The following C2CD2 variants were observed in gnomAD, a reference collection of about 807,000 sequenced individuals.
C2CD2 encodes the protein C2 domain-containing protein 2.
A neutral mutation model predicts 74.3 loss-of-function variants in C2CD2; 43 were observed. The observed-to-expected ratio is 0.58, with a 90% CI of 0.45 to 0.75. The LOEUF is 0.75. C2CD2 is among the 30% of genes least tolerant of loss of function. The pLI is 0.00. For missense variants in C2CD2, 801 were observed against 916.3 expected, an observed-to-expected ratio of 0.87 and a Z score of 1.63; for synonymous variants, 422 against 390.7, an observed-to-expected ratio of 1.08 and a Z score of -0.94.
chr21:41,928,013 C>T (rs2065230302), intron 2 of C2CD2, among the ~76,000 whole-genome samples: 1 of 152,172 alleles, frequency 6.6e-6, no homozygotes, highest in African/African-American at 2.4e-5. Context: ...GTTGTTAATG[C>T]ATCACACGGT....
At chr21:41,890,376 A>G (rs890727136) in intron 13 of C2CD2, among the ~76,000 whole-genome samples, 1 of 152,238 alleles carries the variant, frequency 6.6e-6, no homozygotes, top group Non-Finnish European at 1.5e-5. Flanking sequence ...AATAGAAAAA[A>G]ATTAGCAGCA....
chr21:41,953,399 C>A lies in C2CD2; in HGVS notation c.250G>T (p.Ala84Ser). The part of the protein sequence containing the change: ...RSQWQAAWVT[A>S]LNEEAERKGG... ...TTCCTCTCGGCCTCCTCGTTCAGGG[C>A]GGTCACCCAGGCCGCCTGCCACTGG... The change falls in exon 1 of 14, where the codon GCC becomes TCC. Residue 84 changes from alanine to serine, a missense_variant. Coordinates refer to ENST00000380486, the MANE Select transcript of C2CD2 (RefSeq NM_015500.2). 2.8e-6 allele frequency: 4 copies of A among 1,418,962 alleles called. No homozygotes were observed. 87.9% of individuals were successfully genotyped at this position (1,418,962 alleles called of 1,614,324 possible).
At chr21:41,900,227 T>A (rs993395664) in intron 12 of C2CD2, among the ~76,000 whole-genome samples, 14 of 152,046 alleles carry the variant, frequency 9.2e-5, no homozygotes, top group Non-Finnish European at 1.5e-5. Context: ...TGAGCCGAGA[T>A]TACGCCACTG....
intron 2 of C2CD2, 70 bp downstream of exon 2, chr21:41,942,077 A>C (rs2065358916): frequency 9.8e-6 from 15 of 1,533,746 alleles, no homozygotes; most frequent in Non-Finnish European, 1.3e-5. Flanking sequence ...AATGATTCTA[A>C]ACAAAGCAAA....
At chr21:41,927,127 G>T (rs1027145309) in intron 2 of C2CD2, among the ~76,000 whole-genome samples, 1 of 152,124 alleles carries the variant, frequency 6.6e-6, no homozygotes, top group Admixed American at 6.5e-5. Flanking sequence ...ATTTAATCCT[G>T]TTTGCCCACT....
rs577175182 is a variant in C2CD2, at chr21:41,923,235, C to T, written c.379-1150G>A. Among the ~76,000 whole-genome samples the T allele has an allele frequency of 3.3e-5, 5 of 152,040 alleles. No individual in the cohort carries two copies. The highest frequency in any genetic ancestry group is 1.9e-4 in the East Asian group (1 of 5,164). ...GTCTCGATCTCCTCACCTCGTGATC[C>T]GCCCACCTCGGCCTTCCAAAGTGCT... On this transcript the variant is annotated intron_variant, in intron 2 of 13. Transcript: ENST00000380486. This position sits in a 1 kb window ranked among gnomAD's most constrained non-coding sequence, Gnocchi z 5.8.
chr21:41,935,248 G>A (rs1046945754), intron 2 of C2CD2, among the ~76,000 whole-genome samples: 8 of 152,106 alleles, frequency 5.3e-5, no homozygotes, highest in African/African-American at 1.7e-4. Flanking sequence ...TAACATGGGG[G>A]AAAGAATATA....
chr21:41,923,720 G>A lies in C2CD2; in HGVS notation c.379-1635C>T, dbSNP rs1049141417. 3.9e-5 allele frequency among the ~76,000 whole-genome samples: 6 copies of A among 152,128 alleles called. No individual in the cohort carries two copies. Among genetic ancestry groups the A allele is most frequent in the Admixed American group, 2.6e-4 (4 of 15,268 alleles). ...AATCATAATCATACAGTATTAAGAG[G>A]GGTGCTTTTCACAGCTACCATGGCA... On this transcript the variant is annotated intron_variant, in intron 2 of 13. Transcript: ENST00000380486. This position sits in a 1 kb window ranked among gnomAD's most constrained non-coding sequence, Gnocchi z 5.8.
At chr21:41,932,631 A>C (rs1180277069) in intron 2 of C2CD2, among the ~76,000 whole-genome samples, 1 of 149,094 alleles carries the variant, frequency 6.7e-6, no homozygotes, top group Non-Finnish European at 1.5e-5. Context: ...TGTGAGAAAA[A>C]CCCCCACACA....
chr21:41,907,774 C>A lies in C2CD2; in HGVS notation c.1029G>T (p.Ala343=). Residue 343 remains alanine (A), a synonymous_variant, in exon 9 of 14, where the codon GCG becomes GCT. Coordinates refer to ENST00000380486, the MANE Select transcript of C2CD2 (RefSeq NM_015500.2). ...ATAAGTCCAGAGGAACTGTCGCCGT[C>A]GCCAGCAGACCTGAAAAGATAGGAG... ...EAGRSSEGLL[A]TATVPLDLFK... is the part of the protein sequence containing the mutation. 6.2e-7 allele frequency: 1 copy of A among 1,613,960 alleles called. No individual in the cohort carries two copies. The highest frequency in any genetic ancestry group is 1.1e-5 in the South Asian group (1 of 91,060).
chr21:41,896,160 T>C (rs1486619478), intron 13 of C2CD2, among the ~76,000 whole-genome samples: 1 of 152,188 alleles, frequency 6.6e-6, no homozygotes, highest in Admixed American at 6.5e-5. Flanking sequence ...GCTGCACTCC[T>C]AGGACGTCTA....
chr21:41,896,054 G>A (rs1019065415), intron 13 of C2CD2, among the ~76,000 whole-genome samples: 1 of 152,232 alleles, frequency 6.6e-6, no homozygotes, highest in Non-Finnish European at 1.5e-5. Context: ...CCACAGCACT[G>A]TCAGGAGGAA....
intron 1 of C2CD2, chr21:41,943,037 A>C: frequency 1.6e-4 from 101 of 647,956 alleles, no homozygotes; most frequent in South Asian, 2.7e-4. Flanking sequence ...ATGGTGGCTC[A>C]CACCGGTAAT....
In C2CD2 at chr21:41,901,546, T is replaced by G. The variant is rs149448665; in HGVS notation, c.1560+76A>C. On this transcript the variant is annotated intron_variant, in intron 12 of 13. Transcript: ENST00000380486. Reference sequence around the variant, plus strand: ...ACGTTAACCAAGTGCTTGGGCTAACTTCTTCAAAGGGCAGAGGAGCAGCAG... The same window carrying G: ...ACGTTAACCAAGTGCTTGGGCTAACGTCTTCAAAGGGCAGAGGAGCAGCAG... 3.3e-6 allele frequency: 5 copies of G among 1,517,096 alleles called. No homozygotes were observed. The African/African-American group carries it at 6.8e-5, about 21-fold the overall frequency. The allele number at this position is 1,517,096 out of a possible 1,614,324, so 94.0% of individuals were successfully genotyped here.
At position 41,888,236 on chromosome 21, in the gene C2CD2, T is replaced by C. The variant is rs1447349549; in HGVS notation, c.*888A>G. 1 of 152,620 alleles carries C rather than the reference T, an allele frequency of 6.6e-6. No homozygotes were observed. Among genetic ancestry groups the C allele is most frequent in the Non-Finnish European group, 1.5e-5 (1 of 68,040 alleles). The allele number at this position is 152,620 out of a possible 1,614,324, so 9.5% of individuals were successfully genotyped here. On this transcript the variant is annotated 3_prime_UTR_variant, in exon 14 of 14. Coordinates refer to ENST00000380486, the MANE Select transcript of C2CD2 (RefSeq NM_015500.2). ...CAGCACTTGGCAAAATCCATGTATG[T>C]GTTTGGTTACTGTGTTCTACGAGCG...
Position 41,932,698 on chromosome 21 carries a change from G to A in C2CD2, c.378+9449C>T, listed in dbSNP as rs915438104. Among the ~76,000 whole-genome samples, 8 of 150,798 alleles carry A rather than the reference G, an allele frequency of 5.3e-5. 1 individual carries two copies. In the East Asian group the frequency reaches 1.6e-3, roughly 29 times the overall value. On this transcript the variant is annotated intron_variant, in intron 2 of 13. Transcript: ENST00000380486. ...GTTGAGACTGCTCCTGGCCGCAGCC[G>A]CGGCTGGGCCGGGTGTGGACTCTGC...
intron 3 of C2CD2, among the ~76,000 whole-genome samples, chr21:41,919,379 G>A (rs2065131057): frequency 1.3e-5 from 2 of 152,172 alleles, no homozygotes; most frequent in South Asian, 2.1e-4. Flanking sequence ...CTTTCAAAAT[G>A]GAGAGCAGGA....
rs574162807 is a variant in C2CD2 at position 41,887,475 on chromosome 21, G to A, written c.*1649C>T. Reference sequence around the variant, plus strand: ...AAGAAAAAAAAATCCTATAATTTTGGTTTTTATACAGGTTTTTACTAAAAA... The same window carrying A: ...AAGAAAAAAAAATCCTATAATTTTGATTTTTATACAGGTTTTTACTAAAAA... On this transcript the variant is annotated 3_prime_UTR_variant, in exon 14 of 14. Coordinates refer to ENST00000380486, the MANE Select transcript of C2CD2 (RefSeq NM_015500.2). 5 of 151,102 alleles carry A rather than the reference G, an allele frequency of 3.3e-5. No individual in the cohort carries two copies. The East Asian group carries it at 9.7e-4, about 29-fold the overall frequency. The allele number at this position is 151,102 out of a possible 1,614,324, so 9.4% of individuals were successfully genotyped here.
At chr21:41,907,335 C>A (rs1286856755) in intron 9 of C2CD2, among the ~76,000 whole-genome samples, 169 bp from the exon 10 acceptor site, 1 of 152,226 alleles carries the variant, frequency 6.6e-6, no homozygotes, top group Non-Finnish European at 1.5e-5. Context: ...ACAGACCCAA[C>A]CTTACGCACA....
Sources: allele counts gnomAD v4.1 joint callset (sites outside exome capture counted in the v4.1 genomes callset), GRCh38; gene constraint gnomAD v4.1.1; non-coding constraint Gnocchi (gnomAD v3.1); transcripts MANE v1.5; gene names NCBI Gene and HGNC (gene_info 2026-07-23, HGNC 2026-07-21).